Variants in SYNPO observed in about 807,000 individuals in gnomAD.
SYNPO encodes the protein synaptopodin.
Under a neutral mutation model 49.5 loss-of-function variants are expected in SYNPO, and 19 were observed. The ratio of observed to expected loss-of-function variants is 0.38; its 90% confidence interval spans 0.27 to 0.56. The LOEUF is 0.56. SYNPO is among the 20% of genes least tolerant of loss of function. The pLI is 0.68. For missense variants in SYNPO, 1,131 were observed against 1,248.3 expected (o/e 0.91, Z 1.42); for synonymous variants, 536 against 548.0 (o/e 0.98, Z 0.31).
chr5:150,648,861 A>G lies in SYNPO; in HGVS notation c.586A>G (p.Ile196Val). Residue 196 changes from isoleucine to valine, a missense_variant, in exon 2 of 3, where the codon ATC becomes GTC. Physicochemically the swap from Ile to Val is conservative, Grantham distance 29 (BLOSUM62 3). This residue lies in a region of SYNPO where 602 missense variants were observed against 720.7 expected (regional missense o/e 0.84). Coordinates refer to ENST00000307662, the MANE Select transcript of SYNPO (RefSeq NM_007286.6). This position sits in a 1 kb window ranked among gnomAD's most constrained non-coding sequence, Gnocchi z 5.0. ...DFMSSSLLID[I>V]QPNTLVVSAD... ...CATGTCCAGCTCCCTGCTCATTGAC[A>G]TCCAGCCCAACACCCTAGTGGTGTC... is the stretch of plus-strand genomic sequence containing the variant. 1 of 1,614,152 alleles carries G rather than the reference A, an allele frequency of 6.2e-7. No individual in the cohort carries two copies. The highest frequency in any genetic ancestry group is 1.1e-5 in the South Asian group (1 of 91,074).
the SYNPO span, among the ~76,000 whole-genome samples, chr5:150,589,063 A>ATTCT: frequency 6.9e-6 from 1 of 145,260 alleles, no homozygotes; most frequent in East Asian, 2.0e-4. Context: ...TGCTTTATAG[A>ATTCT]TTTTTTTTTT....
At chr5:150,632,047 G>A (rs2151388802) in intron 2 of SYNPO, among the ~76,000 whole-genome samples, 1 of 152,298 alleles carries the variant, frequency 6.6e-6, no homozygotes, top group East Asian at 1.9e-4. Context: ...AGCCAACCCT[G>A]GAGCCAAAAC....
At chr5:150,592,790 G>T in the SYNPO span, among the ~76,000 whole-genome samples, 1 of 152,204 alleles carries the variant, frequency 6.6e-6, no homozygotes, top group African/African-American at 2.4e-5. Flanking sequence ...GAGTGACTGA[G>T]TGTGTTTGCC....
the SYNPO span, among the ~76,000 whole-genome samples, chr5:150,593,684 T>C: frequency 0.012 from 1,818 of 152,312 alleles, 38 homozygotes; most frequent in African/African-American, 0.041. Flanking sequence ...GGTCTTGAAC[T>C]TCTGGGCTCA....
chr5:150,596,863 T>C (rs11167509), upstream of SYNPO, among the ~76,000 whole-genome samples: 67,396 of 152,042 alleles, frequency 0.44, 15,737 homozygotes, highest in African/African-American at 0.59. Flanking sequence ...AGATAGTGTA[T>C]GCATTTCACA....
In SYNPO at chr5:150,602,242, G is replaced by A. The variant is rs542097486; in HGVS notation, c.-266+1054G>A. 1.1e-4 allele frequency among the ~76,000 whole-genome samples: 17 copies of A among 152,346 alleles called. No individual in the cohort carries two copies. The South Asian group carries it at 3.5e-3, about 32-fold the overall frequency. On this transcript the variant is annotated intron_variant, in intron 1 of 2. Transcript: ENST00000394243. ...TGGGCGCCAGGCTCTGGGTTCTGGT[G>A]GTGGCCCTGCCACTGCCTTGCTACG...
Position 150,648,400 on chromosome 5 carries a change from T to G in SYNPO, c.125T>G (p.Leu42Arg), listed in dbSNP as rs776616689. 1 of 1,614,160 alleles carries G rather than the reference T, an allele frequency of 6.2e-7. No individual in the cohort carries two copies. Among genetic ancestry groups the G allele is most frequent in the Non-Finnish European group, 8.5e-7 (1 of 1,180,026 alleles). Reference sequence around the variant, plus strand: ...GCAGCACTGCTGACAGCCAATGGGCTGCACCTGTCCCAAAACCGAGAGGCC... The same window carrying G: ...GCAGCACTGCTGACAGCCAATGGGCGGCACCTGTCCCAAAACCGAGAGGCC... Reference protein sequence around the residue: ...ENAALLTANGLHLSQNREAQQ... With the variant: ...ENAALLTANGRHLSQNREAQQ... Residue 42 changes from leucine to arginine, a missense_variant, in exon 2 of 3, where the codon CTG (leucine) becomes CGG (arginine). Physicochemically the swap from Leu to Arg is moderately radical, Grantham distance 102. Transcript: ENST00000307662. This position sits in a 1 kb window ranked among gnomAD's most constrained non-coding sequence, Gnocchi z 5.0.
intron 1 of SYNPO, among the ~76,000 whole-genome samples, chr5:150,642,722 G>A (rs1490320689): frequency 1.3e-5 from 2 of 152,222 alleles, no homozygotes; most frequent in African/African-American, 4.8e-5. Flanking sequence ...GCTGGATCTG[G>A]TCCAAACCTC....
At chr5:150,643,568 TCTG>T (rs1158332365) in intron 1 of SYNPO, among the ~76,000 whole-genome samples, 1 of 152,172 alleles carries the variant, frequency 6.6e-6, no homozygotes, top group African/African-American at 2.4e-5. Context: ...GGAATGTCGC[TCTG>T]TTGCCCAGGC....
In SYNPO at chr5:150,651,291, G is replaced by C. The variant is rs1402868667; in HGVS notation, c.2028+988G>C. On this transcript the variant is annotated intron_variant, in intron 2 of 2. Coordinates refer to ENST00000307662, the MANE Select transcript of SYNPO (RefSeq NM_007286.6). ...GCCCAGGGGGAGGCAGGAGAGGAGG[G>C]TTCCGGTCCCATGTCACCTTCTCAT... 11 of 1,001,094 alleles carry C rather than the reference G, an allele frequency of 1.1e-5. No individual in the cohort carries two copies. In the East Asian group the frequency reaches 1.2e-3, roughly 113 times the overall value. 62.0% of individuals were successfully genotyped at this position (1,001,094 alleles called of 1,614,324 possible). A position where few individuals can be genotyped will look rare whatever the true frequency, so the allele number is the denominator to read the frequency against.
chr5:150,655,620 T>G (rs1458869151), intron 2 of SYNPO, among the ~76,000 whole-genome samples: 3 of 152,202 alleles, frequency 2.0e-5, no homozygotes, highest in Non-Finnish European at 4.4e-5. Flanking sequence ...TCCTAACAGG[T>G]GACCATTTTG....
At chr5:150,610,195 G>C (rs1015617283) in intron 1 of SYNPO, among the ~76,000 whole-genome samples, 3 of 152,214 alleles carry the variant, frequency 2.0e-5, no homozygotes, top group African/African-American at 4.8e-5. Flanking sequence ...TCTAAAGCTG[G>C]AAGAGCATTT....
chr5:150,639,278 G>A (rs1245019733), upstream of SYNPO, among the ~76,000 whole-genome samples: 1 of 152,206 alleles, frequency 6.6e-6, no homozygotes, highest in Admixed American at 6.5e-5. Context: ...CCGACCCACT[G>A]CCAGCAGAGA....
At chr5:150,637,220 G>A (rs931778133), upstream of SYNPO, among the ~76,000 whole-genome samples, 3 of 152,138 alleles carry the variant, frequency 2.0e-5, no homozygotes, top group Non-Finnish European at 4.4e-5. Flanking sequence ...GGAGGAGCGG[G>A]CAGGCTGAAT....
intron 1 of SYNPO, among the ~76,000 whole-genome samples, chr5:150,617,111 G>A (rs1025808530): frequency 1.3e-5 from 2 of 152,220 alleles, no homozygotes; most frequent in African/African-American, 2.4e-5. Context: ...AGTCCTCTGC[G>A]TGCATTTTTT....
chr5:150,624,679 ACCCG>A (rs906343935), intron 2 of SYNPO: 66 of 249,652 alleles, frequency 2.6e-4, no homozygotes, highest in Non-Finnish European at 3.5e-4. Flanking sequence ...AGCACGGCTC[ACCCG>A]CCCGCCCGCC....
Position 150,656,980 on chromosome 5 carries a change from G to A in SYNPO, c.2605G>A (p.Ala869Thr). 1 of 1,597,042 alleles carries A rather than the reference G, an allele frequency of 6.3e-7. No individual in the cohort carries two copies. Among genetic ancestry groups the A allele is most frequent in the Non-Finnish European group, 8.5e-7 (1 of 1,172,794 alleles). ...GTCCCTCGACTCCGAGGACTCCGGGGCTAAGTCTCCAGGCATCCTGGGCTA... is the reference window on the plus strand; with the variant it reads ...GTCCCTCGACTCCGAGGACTCCGGGACTAAGTCTCCAGGCATCCTGGGCTA... ...DVSLDSEDSG[A>T]KSPGILGYNI... Residue 869 changes from alanine to threonine, a missense_variant, in exon 3 of 3, where the codon GCT becomes ACT. By Grantham distance (58) the Ala-to-Thr change is moderately conservative (BLOSUM62 0). Transcript: ENST00000307662.
At chr5:150,593,020 C>T in the SYNPO span, among the ~76,000 whole-genome samples, 2 of 152,328 alleles carry the variant, frequency 1.3e-5, no homozygotes, top group African/African-American at 2.4e-5. Flanking sequence ...GTAGATTAAC[C>T]GCTGCCTTCT....
In SYNPO at chr5:150,648,422, G is replaced by A. The variant is rs1758193246; in HGVS notation, c.147G>A (p.Glu49=). 1 of 1,614,176 alleles carries A rather than the reference G, an allele frequency of 6.2e-7. No individual in the cohort carries two copies. Among genetic ancestry groups the A allele is most frequent in the Non-Finnish European group, 8.5e-7 (1 of 1,180,034 alleles). The change falls in exon 2 of 3, where the codon GAG becomes GAA. Residue 49 remains glutamate (E), a synonymous_variant. Transcript: ENST00000307662. The surrounding 1 kb of genome is among the most constrained non-coding windows in gnomAD (Gnocchi z 5.0). ...GGCTGCACCTGTCCCAAAACCGAGA[G>A]GCCCAGCAGTCCTCACCGGCCCCAC... ...ANGLHLSQNR[E]AQQSSPAPPP...
Sources: gnomAD v4.1 joint callset for allele counts (sites outside exome capture counted in the v4.1 genomes callset) on GRCh38, gnomAD v4.1.1 for gene constraint, gnomAD v4.1.1 regional missense constraint, Gnocchi (gnomAD v3.1) non-coding constraint, MANE v1.5 for transcripts, NCBI Gene and HGNC (gene_info 2026-07-23, HGNC 2026-07-21) for gene names.